CPLANE1: variants seen among roughly 807,000 people sequenced by gnomAD.
The protein encoded by CPLANE1 is ciliogenesis and planar polarity effector complex subunit 1, also known as ciliogenesis and planar polarity effector 1.
Under a neutral mutation model 362.5 loss-of-function variants are expected in CPLANE1, and 263 were observed. The observed-to-expected ratio is 0.73, with a 90% confidence interval of 0.66 to 0.80. The LOEUF (loss-of-function observed/expected upper bound fraction) is 0.80. Among genes scored for constraint, CPLANE1 ranks in the 30% least tolerant of loss-of-function variants. The pLI, the probability that CPLANE1 is intolerant of heterozygous loss-of-function variation, is 0.00. For synonymous variants in CPLANE1, 1,212 were observed against 1,302.6 expected, an observed-to-expected ratio of 0.93 and a Z score of 1.50; for missense variants, 3,461 against 3,793.4, an observed-to-expected ratio of 0.91 and a Z score of 2.30.
chr5:37,182,334 G>A (rs1782879316), intron 26 of CPLANE1, among the ~76,000 whole-genome samples: 1 of 151,994 alleles, frequency 6.6e-6, no homozygotes, highest in Non-Finnish European at 1.5e-5. Context: ...TCTGTGTTTG[G>A]TTCTCCAACC....
chr5:37,105,192 T>A (rs769245602), downstream of CPLANE1, among the ~76,000 whole-genome samples: 13 of 151,798 alleles, frequency 8.6e-5, no homozygotes, highest in African/African-American at 2.9e-4. Flanking sequence ...CCCAGCTACT[T>A]GGGTAGTCGA....
At chr5:37,115,812 G>T (rs546316505) in intron 50 of CPLANE1, among the ~76,000 whole-genome samples, 1 of 151,308 alleles carries the variant, frequency 6.6e-6, no homozygotes, top group South Asian at 2.1e-4. Context: ...TGGCCAGGAT[G>T]GTCTTGATCA....
chr5:37,111,567 G>T (rs1759348913), intron 51 of CPLANE1, among the ~76,000 whole-genome samples: 1 of 152,164 alleles, frequency 6.6e-6, no homozygotes, highest in African/African-American at 2.4e-5. Flanking sequence ...CTGGATTAGT[G>T]CCAAAGGGAA....
intron 50 of CPLANE1, among the ~76,000 whole-genome samples, chr5:37,116,958 TG>T (rs1393040072): frequency 1.3e-5 from 2 of 152,168 alleles, no homozygotes; most frequent in African/African-American, 4.8e-5. Context: ...TGGTTGGGTC[TG>T]GGTGTGACAG....
intron 21 of CPLANE1, among the ~76,000 whole-genome samples, chr5:37,189,717 A>G (rs6887958): frequency 0.5 from 76,619 of 152,082 alleles, 22,069 homozygotes; most frequent in African/African-American, 0.81. Context: ...CGTGCATTGC[A>G]GCCGGGCACA....
At chr5:37,084,418 T>G in the CPLANE1 span, among the ~76,000 whole-genome samples, 2 of 151,942 alleles carry the variant, frequency 1.3e-5, no homozygotes, top group Admixed American at 1.3e-4. Context: ...AATAACACAA[T>G]GAATGGAATG....
intron 32 of CPLANE1, among the ~76,000 whole-genome samples, chr5:37,171,679 C>A (rs1779814452): frequency 6.6e-6 from 1 of 151,640 alleles, no homozygotes; most frequent in Non-Finnish European, 1.5e-5. Context: ...AAATAAATAT[C>A]ATTCATAATC....
rs35522666 is a variant in CPLANE1, at chr5:37,154,459, C to CTTTTTTTTTTTTTTTTTTTTTTT, written c.8120-489_8120-467dup. Among the ~76,000 whole-genome samples, 21 of 84,576 alleles carry CTTTTTTTTTTTTTTTTTTTTTTT rather than the reference C, an allele frequency of 2.5e-4. 4 individuals are homozygous for CTTTTTTTTTTTTTTTTTTTTTTT. Among genetic ancestry groups the CTTTTTTTTTTTTTTTTTTTTTTT allele is most frequent in the African/African-American group, 7.9e-4 (14 of 17,646 alleles). The allele number at this position is 84,576 out of a possible 152,430, so 55.5% of individuals were successfully genotyped here. A position where few individuals can be genotyped will look rare whatever the true frequency, so the allele number is the denominator to read the frequency against. Reference sequence around the variant, plus strand: ...TTCTTCTCCCAAATTTGCAATAGTTCTTTTTTTTTTTTTTTTTTTTTTTTA... The same window carrying CTTTTTTTTTTTTTTTTTTTTTTT: ...TTCTTCTCCCAAATTTGCAATAGTTCTTTTTTTTTTTTTTTTTTTTTTTTTTTTTTTTTTTTTTTTTTTTTTTA... On this transcript the variant is annotated intron_variant, in intron 41 of 52. Coordinates refer to ENST00000651892, the MANE Select transcript of CPLANE1 (RefSeq NM_001384732.1).
rs761131152 is a variant in CPLANE1, at chr5:37,169,418, T to C, written c.6606A>G (p.Thr2202=). The stretch of plus-strand genomic sequence containing the variant: ...TAGGTGCCTTCTGAACAACAGAAGG[T>C]GTGGACAAAAGGTAGAGGTGAGTAT... ...AGNTHLYLLS[T]PSVVQKAPRL... Residue 2202 remains threonine, a synonymous_variant, in exon 34 of 53, where the codon ACA becomes ACG. Transcript: ENST00000651892. The C allele has an allele frequency of 6.8e-6, 11 of 1,614,174 alleles. No homozygotes were observed. Among genetic ancestry groups the C allele is most frequent in the Non-Finnish European group, 9.3e-6 (11 of 1,180,032 alleles).
intron 15 of CPLANE1, among the ~76,000 whole-genome samples, chr5:37,214,236 G>A (rs188269776): frequency 2.7e-4 from 41 of 152,308 alleles, no homozygotes; most frequent in African/African-American, 9.6e-4. Context: ...AGGCCAAGGT[G>A]GGCTGATCTC....
At position 37,125,431 on chromosome 5, in the gene CPLANE1, A is replaced by T. The variant is rs759802337; in HGVS notation, c.8793-22T>A. ...AATTCTGAGAAATTTAACAAGCAAG[A>T]CATCATTTGCTTTTAAATTTGTTAA... On this transcript the variant is annotated intron_variant, in intron 46 of 52. Coordinates refer to ENST00000651892, the MANE Select transcript of CPLANE1 (RefSeq NM_001384732.1). 8.7e-6 allele frequency: 14 copies of T among 1,604,336 alleles called. 1 individual carries two copies. The South Asian group carries it at 1.4e-4, about 17-fold the overall frequency.
intron 16 of CPLANE1, among the ~76,000 whole-genome samples, chr5:37,213,217 G>T (rs540354240): frequency 6.6e-6 from 1 of 152,136 alleles, no homozygotes; most frequent in African/African-American, 2.4e-5. Context: ...TCAAAAAAAA[G>T]AAAAGATTGT....
intron 46 of CPLANE1, among the ~76,000 whole-genome samples, chr5:37,128,551 T>C (rs1235969850): frequency 6.6e-6 from 1 of 152,038 alleles, no homozygotes; most frequent in East Asian, 1.9e-4. Context: ...AAATGACCAA[T>C]GCAATTCCTA....
intron 19 of CPLANE1, among the ~76,000 whole-genome samples, chr5:37,200,342 A>G (rs1279105918): frequency 6.6e-6 from 1 of 152,130 alleles, no homozygotes; most frequent in Admixed American, 6.5e-5. Context: ...CACTCAAACT[A>G]CTCGAACTAT....
chr5:37,183,787 A>G (rs1783270202), intron 25 of CPLANE1, 88 bp from the exon 26 acceptor site: 1 of 897,178 alleles, frequency 1.1e-6, no homozygotes, highest in Non-Finnish European at 1.7e-6. Flanking sequence ...ATTCTCTCCA[A>G]TGATTAAGTC....
chr5:37,079,515 T>G, the CPLANE1 span, among the ~76,000 whole-genome samples: 2 of 152,210 alleles, frequency 1.3e-5, no homozygotes, highest in Admixed American at 6.5e-5. Flanking sequence ...GGCAACTCAC[T>G]CCTACCACAG....
At chr5:37,160,140 C>A (rs1312414789) in intron 38 of CPLANE1, among the ~76,000 whole-genome samples, 1 of 152,040 alleles carries the variant, frequency 6.6e-6, no homozygotes, top group African/African-American at 2.4e-5. Context: ...ATATCTTGGG[C>A]CTTCACCTAG....
chr5:37,238,505 T>TTTC (rs1799554021), intron 8 of CPLANE1, among the ~76,000 whole-genome samples: 1 of 142,510 alleles, frequency 7.0e-6, no homozygotes, highest in Non-Finnish European at 1.5e-5. Flanking sequence ...TTTTTTTTTT[T>TTTC]TTTTTTTGAG....
intron 46 of CPLANE1, among the ~76,000 whole-genome samples, chr5:37,135,999 A>G (rs1008101689): frequency 2.0e-5 from 3 of 152,334 alleles, no homozygotes; most frequent in Admixed American, 6.5e-5. Flanking sequence ...CAATCAGACC[A>G]TATCATTCTG....
Sources: allele counts gnomAD v4.1 joint callset (sites outside exome capture counted in the v4.1 genomes callset), GRCh38; gene constraint gnomAD v4.1.1; transcripts MANE v1.5; gene names NCBI Gene and HGNC (gene_info 2026-07-23, HGNC 2026-07-21).